The following EFNA4 variants were observed in gnomAD, a reference collection of about 807,000 sequenced individuals.
EFNA4 encodes the protein ephrin A4.
Under a neutral mutation model 23.7 loss-of-function variants are expected in EFNA4, and 22 were observed. The observed-to-expected ratio is 0.93, with a 90% CI of 0.66 to 1.32. The LOEUF is 1.32. Ranked by LOEUF, EFNA4 falls within the 40% of genes most tolerant of loss-of-function variation. EFNA4 has a pLI of 0.00. For synonymous variants in EFNA4, 113 were observed against 108.3 expected, an observed-to-expected ratio of 1.04 and a Z score of -0.27; for missense variants, 252 against 252.3, an observed-to-expected ratio of 1.00 and a Z score of 0.01.
intron 3 of EFNA4, 46 bp downstream of exon 3, chr1:155,067,486 T>G: frequency 6.2e-7 from 1 of 1,604,122 alleles, no homozygotes; most frequent in Non-Finnish European, 8.5e-7. Flanking sequence ...TGTGGGGCCT[T>G]GGGAAGGAGG....
In EFNA4 at chr1:155,063,803, C is replaced by T. The variant is rs779821500; in HGVS notation, c.-21C>T. ...GCGGGCCGGGACCTGCCAGGCCAGA[C>T]CAAACCGGACCTCGGGGGCGATGCG... On this transcript the variant is annotated 5_prime_UTR_variant, in exon 1 of 4. Transcript: ENST00000368409. The surrounding 1 kb of genome is among the most constrained non-coding windows in gnomAD (Gnocchi z 4.1). The T allele has an allele frequency of 7.3e-5, 110 of 1,512,000 alleles. No homozygotes were observed. In the East Asian group the frequency reaches 2.9e-3, roughly 40 times the overall value. The allele number at this position is 1,512,000 out of a possible 1,614,324, so 93.7% of individuals were successfully genotyped here. A position where few individuals can be genotyped will look rare whatever the true frequency, so the allele number is the denominator to read the frequency against.
chr1:155,068,427 ATTTTTTTTTTTTTTTTTTT>A (rs71077978), intron 3 of EFNA4, among the ~76,000 whole-genome samples: 4 of 25,378 alleles, frequency 1.6e-4, no homozygotes, highest in African/African-American at 4.0e-4. Flanking sequence ...CACCCAGCTG[ATTTTTTTTTTTTTTTTTTT>A]TTTTTTTTTT....
chr1:155,066,661 G>A, intron 1 of EFNA4, 69 bp from the exon 2 acceptor site: 1 of 1,504,996 alleles, frequency 6.6e-7, no homozygotes, highest in Non-Finnish European at 8.9e-7. Flanking sequence ...GAGAAGGGGT[G>A]TCTCTGGCAT....
chr1:155,066,243 T>G (rs1396331760), intron 1 of EFNA4, among the ~76,000 whole-genome samples: 1 of 152,196 alleles, frequency 6.6e-6, no homozygotes, highest in Non-Finnish European at 1.5e-5. Flanking sequence ...TGTTCCTCAC[T>G]TTATATCTGT....
intron 1 of EFNA4, 91 bp from the exon 2 acceptor site, chr1:155,066,639 G>C: frequency 2.2e-5 from 32 of 1,453,400 alleles, no homozygotes; most frequent in Non-Finnish European, 2.9e-5. Flanking sequence ...GGAGAGGCTG[G>C]CAGGGGCCTC....
At chr1:155,066,531 G>T (rs1000261643) in intron 1 of EFNA4, among the ~76,000 whole-genome samples, 199 bp from the exon 2 acceptor site, 2 of 152,186 alleles carry the variant, frequency 1.3e-5, no homozygotes, top group African/African-American at 4.8e-5. Context: ...CCTGTGAATC[G>T]ATCATCTCAT....
rs1663069687 is a variant in EFNA4, at chr1:155,067,067, GA to G, written c.400+52del. 1.9e-6 allele frequency: 3 copies of G among 1,545,982 alleles called. No individual in the cohort carries two copies. The East Asian group carries it at 6.8e-5, about 35-fold the overall frequency. Reference sequence around the variant, plus strand: ...ACCTCTTGTGTACCAGAAGGGTAGGGAGGGGGAAGGAGAGGCCTGGAAGGAG... The same window carrying G: ...ACCTCTTGTGTACCAGAAGGGTAGGGGGGGGAAGGAGAGGCCTGGAAGGAG... On this transcript the variant is annotated intron_variant, in intron 2 of 3. Coordinates refer to ENST00000368409, the MANE Select transcript of EFNA4 (RefSeq NM_005227.3).
intron 2 of EFNA4, 87 bp downstream of exon 2, chr1:155,067,103 G>A: frequency 6.8e-7 from 1 of 1,473,760 alleles, no homozygotes; most frequent in Non-Finnish European, 9.2e-7. Context: ...GGAGGGGGCT[G>A]GGTCTCTAAT....
At chr1:155,064,680 T>G (rs1571650635) in intron 1 of EFNA4, among the ~76,000 whole-genome samples, 1 of 152,134 alleles carries the variant, frequency 6.6e-6, no homozygotes, top group Non-Finnish European at 1.5e-5. Context: ...TCCATCCCCC[T>G]CCCCAAGTCT....
intron 3 of EFNA4, among the ~76,000 whole-genome samples, chr1:155,067,814 G>A (rs1380978567): frequency 6.6e-6 from 1 of 151,916 alleles, no homozygotes; most frequent in Non-Finnish European, 1.5e-5. Flanking sequence ...GTAGAGATGG[G>A]GTTTCACCGT....
At chr1:155,068,430 T>TTTTTG (rs1663103550) in intron 3 of EFNA4, among the ~76,000 whole-genome samples, 1 of 107,198 alleles carries the variant, frequency 9.3e-6, no homozygotes, top group Non-Finnish European at 2.0e-5. Context: ...CCAGCTGATT[T>TTTTTG]TTTTTTTTTT....
chr1:155,069,044 T>C lies in EFNA4; in HGVS notation c.*55T>C. On this transcript the variant is annotated 3_prime_UTR_variant, in exon 4 of 4. Coordinates refer to ENST00000368409, the MANE Select transcript of EFNA4 (RefSeq NM_005227.3). ...GAGCCAGAGTCCTCCCAAGATCCCC[T>C]GGAGGAGGAGGGATCCCTGCTGCCT... 2 of 1,612,080 alleles carry C rather than the reference T, an allele frequency of 1.2e-6. No homozygotes were observed. Among genetic ancestry groups the C allele is most frequent in the Non-Finnish European group, 1.7e-6 (2 of 1,179,080 alleles).
At position 155,066,713 on chromosome 1, in the gene EFNA4, C is replaced by A; in HGVS notation, c.114-17C>A. The A allele has an allele frequency of 6.4e-7, 1 of 1,564,902 alleles. No individual in the cohort carries two copies. The highest frequency in any genetic ancestry group is 8.6e-7 in the Non-Finnish European group (1 of 1,157,796). Reference sequence around the variant, plus strand: ...GTGCCCTCCACTCCTCAGCCCACCCCTGCGTTATGCCTGCAGGTTGCTTCG... The same window carrying A: ...GTGCCCTCCACTCCTCAGCCCACCCATGCGTTATGCCTGCAGGTTGCTTCG... On this transcript the variant is annotated splice_polypyrimidine_tract_variant and intron_variant, in intron 1 of 3. Transcript: ENST00000368409.
chr1:155,066,654 A>G, intron 1 of EFNA4, 76 bp from the exon 2 acceptor site: 1 of 1,495,208 alleles, frequency 6.7e-7, no homozygotes, highest in Middle Eastern at 2.0e-4. Flanking sequence ...GGCCTCTGAG[A>G]AGGGGTGTCT....
rs776556253 is a variant in EFNA4, at chr1:155,066,971, T to C, written c.355T>C (p.Ser119Pro). ...SEKIQRFTPFSLGFEFLPGET... is the reference protein window; with the variant it reads ...SEKIQRFTPFPLGFEFLPGET... ...GAAGATTCAGCGCTTCACACCCTTC[T>C]CCCTCGGCTTTGAGTTCTTACCTGG... Residue 119 changes from serine (S) to proline (P), a missense_variant, in exon 2 of 4, where the codon TCC (serine) becomes CCC (proline). Transcript: ENST00000368409. 1.2e-5 allele frequency: 19 copies of C among 1,613,776 alleles called. No homozygotes were observed. Among genetic ancestry groups the C allele is most frequent in the Non-Finnish European group, 1.6e-5 (19 of 1,179,906 alleles).
chr1:155,069,074 T>TG lies in EFNA4; in HGVS notation c.*90dup, dbSNP rs772130989. On this transcript the variant is annotated 3_prime_UTR_variant, in exon 4 of 4. Transcript: ENST00000368409. ...GAGGAGGGATCCCTGCTGCCTGCACTGGGGGTGCCAATTCAGACCGACAAG... is the reference window on the plus strand; with the variant it reads ...GAGGAGGGATCCCTGCTGCCTGCACTGGGGGGTGCCAATTCAGACCGACAAG... 11 of 1,611,376 alleles carry TG rather than the reference T, an allele frequency of 6.8e-6. No homozygotes were observed. The highest frequency in any genetic ancestry group is 5.9e-6 in the Non-Finnish European group (7 of 1,179,114).
intron 3 of EFNA4, among the ~76,000 whole-genome samples, chr1:155,067,728 TCTC>T (rs1370422472): frequency 2.0e-5 from 3 of 151,856 alleles, no homozygotes; most frequent in Non-Finnish European, 4.4e-5. Context: ...TTCACGCCAT[TCTC>T]CTGCCTCAGC....
rs145129032 is a variant in EFNA4, at chr1:155,068,973, T to C, written c.590T>C (p.Leu197Pro). The C allele has an allele frequency of 1.3e-4, 203 of 1,614,046 alleles. 1 individual carries two copies. The South Asian group carries it at 2.1e-3, about 17-fold the overall frequency. Reference sequence around the variant, plus strand: ...TTACTGCTGCTTCTGATTCTTCGTCTTCTGCGAATTCTGTGAGCCAAGCAG... The same window carrying C: ...TTACTGCTGCTTCTGATTCTTCGTCCTCTGCGAATTCTGTGAGCCAAGCAG... Reference protein sequence around the residue: ...LLLLLLLILRLLRIL With the variant: ...LLLLLLLILRPLRIL The change falls in exon 4 of 4, where the codon CTT (leucine) becomes CCT (proline). Residue 197 changes from leucine (L) to proline (P), a missense_variant. Coordinates refer to ENST00000368409, the MANE Select transcript of EFNA4 (RefSeq NM_005227.3).
intron 1 of EFNA4, among the ~76,000 whole-genome samples, chr1:155,065,714 T>C (rs1437165426): frequency 2.1e-5 from 3 of 139,692 alleles, no homozygotes; most frequent in African/African-American, 5.4e-5. Flanking sequence ...ATTTATTTAT[T>C]TATTTATTTA....
Sources: gnomAD v4.1 joint callset for allele counts (sites outside exome capture counted in the v4.1 genomes callset) on GRCh38, gnomAD v4.1.1 for gene constraint, Gnocchi (gnomAD v3.1) non-coding constraint, MANE v1.5 for transcripts, NCBI Gene and HGNC (gene_info 2026-07-23, HGNC 2026-07-21) for gene names.